The following PCCA variants were observed in gnomAD, a reference collection of about 807,000 sequenced individuals.
The protein encoded by PCCA is propionyl-CoA carboxylase subunit alpha.
A neutral mutation model predicts 101.3 loss-of-function variants in PCCA; 74 were observed. The observed-to-expected ratio is 0.73, with a 90% CI of 0.61 to 0.89. PCCA has a LOEUF of 0.89. PCCA is among the 40% of genes least tolerant of loss of function. PCCA has a pLI of 0.00. For missense variants in PCCA, 891 were observed against 907.0 expected (o/e 0.98, Z 0.23); for synonymous variants, 294 against 313.6 (o/e 0.94, Z 0.66).
rs145745466 is a variant in PCCA, at chr13:100,364,910, G to C, written c.1644-3562G>C. On this transcript the variant is annotated intron_variant, in intron 18 of 23. Transcript: ENST00000376285. Reference sequence around the variant, plus strand: ...TCTCTTAAAAAAAAAGCCAGACCTGGTGGTGGCGCACACCTGTAATCCCAG... The same window carrying C: ...TCTCTTAAAAAAAAAGCCAGACCTGCTGGTGGCGCACACCTGTAATCCCAG... Among the ~76,000 whole-genome samples the C allele has an allele frequency of 1.8e-3, 275 of 152,182 alleles. 2 individuals carry two copies. The highest frequency in any genetic ancestry group is 6.2e-3 in the African/African-American group (256 of 41,518).
At chr13:100,100,302 A>G (rs780274748) in intron 1 of PCCA, among the ~76,000 whole-genome samples, 1 of 152,186 alleles carries the variant, frequency 6.6e-6, no homozygotes, top group Non-Finnish European at 1.5e-5. Context: ...ACAGGAAATC[A>G]TTATTCCTGT....
chr13:100,334,487 C>T (rs1321700243), intron 17 of PCCA, among the ~76,000 whole-genome samples: 1 of 152,142 alleles, frequency 6.6e-6, no homozygotes, highest in Non-Finnish European at 1.5e-5. Flanking sequence ...AGAAGACTCA[C>T]TAAGGACAGG....
chr13:100,435,655 A>C (rs2079876100), intron 20 of PCCA, among the ~76,000 whole-genome samples: 1 of 152,234 alleles, frequency 6.6e-6, no homozygotes, highest in Admixed American at 6.5e-5. Context: ...CAAGTTATCC[A>C]GGTTCTTGGC....
At chr13:100,089,487 C>T (rs1425222042) in intron 1 of PCCA, among the ~76,000 whole-genome samples, 1 of 152,256 alleles carries the variant, frequency 6.6e-6, no homozygotes, top group Non-Finnish European at 1.5e-5. Flanking sequence ...TGCCCGCACG[C>T]CCTCCGAGGC....
chr13:100,502,986 C>T (rs374097181), intron 21 of PCCA, among the ~76,000 whole-genome samples: 2 of 152,220 alleles, frequency 1.3e-5, no homozygotes, highest in African/African-American at 2.4e-5. Context: ...GCTGTATTTA[C>T]AGCTGGACCT....
At chr13:100,529,187 T>C (rs1432902473) in intron 23 of PCCA, among the ~76,000 whole-genome samples, 1 of 152,138 alleles carries the variant, frequency 6.6e-6, no homozygotes, top group African/African-American at 2.4e-5. Flanking sequence ...GGTTCCTACC[T>C]GCGAGGCCAC....
intron 7 of PCCA, among the ~76,000 whole-genome samples, chr13:100,229,523 A>G (rs1246772313): frequency 6.6e-6 from 1 of 152,256 alleles, no homozygotes; most frequent in Non-Finnish European, 1.5e-5. Flanking sequence ...CCAAGCAAGC[A>G]TTAAGTCATA....
rs1226908564 is a variant in PCCA at position 100,307,216 on chromosome 13, C to T, written c.1309C>T (p.Pro437Ser). The T allele has an allele frequency of 3.7e-6, 6 of 1,610,350 alleles. No individual in the cohort carries two copies. Among genetic ancestry groups the T allele is most frequent in the Non-Finnish European group, 5.1e-6 (6 of 1,177,344 alleles). ...GGTCCGAGTGGACAGTGGCATCCAACCAGGAAGTGATATTAGCATTTATTA... is the reference window on the plus strand; with the variant it reads ...GGTCCGAGTGGACAGTGGCATCCAATCAGGAAGTGATATTAGCATTTATTA... Reference protein sequence around the residue: ...PGVRVDSGIQPGSDISIYYDP... With the variant: ...PGVRVDSGIQSGSDISIYYDP... The change falls in exon 15 of 24, where the codon CCA becomes TCA. Residue 437 changes from proline (P) to serine (S), a missense_variant. Transcript: ENST00000376285.
chr13:100,202,548 G>T (rs2058592089), intron 6 of PCCA, among the ~76,000 whole-genome samples: 1 of 141,904 alleles, frequency 7.0e-6, no homozygotes, highest in African/African-American at 2.6e-5. Context: ...TTGGTATGTT[G>T]GTCATCCTGG....
chr13:100,347,596 T>C (rs1264700006), intron 18 of PCCA, among the ~76,000 whole-genome samples: 1 of 152,228 alleles, frequency 6.6e-6, no homozygotes, highest in Non-Finnish European at 1.5e-5. Context: ...AATTGCTTTA[T>C]AAAGTGGAGG....
chr13:100,117,529 A>G lies in PCCA; in HGVS notation c.300+5468A>G, dbSNP rs80321015. 1.6e-3 allele frequency among the ~76,000 whole-genome samples: 238 copies of G among 152,202 alleles called. 2 individuals carry two copies. In the East Asian group the frequency reaches 0.043, roughly 27 times the overall value. ...TCAGCAAACTATCACAGGGACAGAA[A>G]ACAAAACACTGCACGTTCTCACTCA... is the stretch of plus-strand genomic sequence containing the variant. On this transcript the variant is annotated intron_variant, in intron 4 of 23. Coordinates refer to ENST00000376285, the MANE Select transcript of PCCA (RefSeq NM_000282.4).
At chr13:100,153,810 A>C (rs1404097946) in intron 4 of PCCA, among the ~76,000 whole-genome samples, 1 of 152,226 alleles carries the variant, frequency 6.6e-6, no homozygotes, top group Non-Finnish European at 1.5e-5. Context: ...GATATTTTAT[A>C]GTAAGATATT....
At chr13:100,298,236 A>C (rs1459258959) in intron 12 of PCCA, among the ~76,000 whole-genome samples, 2 of 152,168 alleles carry the variant, frequency 1.3e-5, no homozygotes, top group African/African-American at 4.8e-5. Context: ...TGTTTCCAAA[A>C]GTGTGTTCCA....
chr13:100,242,529 T>A (rs1566780610), intron 8 of PCCA, among the ~76,000 whole-genome samples: 1 of 152,168 alleles, frequency 6.6e-6, no homozygotes, highest in Admixed American at 6.5e-5. Flanking sequence ...TGAACAGCAC[T>A]ATATACTAAT....
chr13:100,388,046 T>G (rs1246907756), intron 19 of PCCA, among the ~76,000 whole-genome samples: 3 of 152,222 alleles, frequency 2.0e-5, no homozygotes, highest in Non-Finnish European at 4.4e-5. Context: ...TTATTTAGAA[T>G]AAAACTTTCA....
chr13:100,219,475 T>G (rs1645789442), intron 7 of PCCA, among the ~76,000 whole-genome samples: 1 of 152,066 alleles, frequency 6.6e-6, no homozygotes, highest in African/African-American at 2.4e-5. Context: ...GAATGTAGTG[T>G]CTCCTAGGAA....
At chr13:100,476,512 T>G (rs1467967624) in intron 21 of PCCA, among the ~76,000 whole-genome samples, 5 of 152,208 alleles carry the variant, frequency 3.3e-5, no homozygotes, top group Non-Finnish European at 7.4e-5. Context: ...TAGTTTGAAA[T>G]TAGCAGAAGT....
At chr13:100,349,796 A>G (rs970530828) in intron 18 of PCCA, among the ~76,000 whole-genome samples, 3 of 152,206 alleles carry the variant, frequency 2.0e-5, no homozygotes, top group African/African-American at 7.2e-5. Context: ...CTGGCTACAC[A>G]GCCTGGTGTC....
intron 6 of PCCA, among the ~76,000 whole-genome samples, chr13:100,203,745 G>A (rs934163287): frequency 1.3e-5 from 2 of 152,176 alleles, no homozygotes; most frequent in African/African-American, 4.8e-5. Flanking sequence ...TTAGTTTAAT[G>A]TGTAAAATTG....
Sources: gnomAD v4.1 joint callset for allele counts (sites outside exome capture counted in the v4.1 genomes callset) on GRCh38, gnomAD v4.1.1 for gene constraint, MANE v1.5 for transcripts, NCBI Gene and HGNC (gene_info 2026-07-23, HGNC 2026-07-21) for gene names.